The following TLK1 variants were observed in gnomAD, a reference collection of about 807,000 sequenced individuals.
The protein encoded by TLK1 is tousled like kinase 1, also known as serine/threonine-protein kinase tousled-like 1.
In TLK1, 24 loss-of-function variants were observed where a neutral mutation model predicts 105.3. The ratio of observed to expected loss-of-function variants is 0.23; its 90% CI spans 0.17 to 0.32. The LOEUF is 0.32. TLK1 is among the 10% of genes least tolerant of loss of function. The pLI is 1.00. For synonymous variants in TLK1, 321 were observed against 310.4 expected (o/e 1.03, Z -0.36); for missense variants, 558 against 910.5 (o/e 0.61, Z 4.98).
At chr2:171,088,605 G>C (rs938483996) in intron 2 of TLK1, among the ~76,000 whole-genome samples, 1 of 152,158 alleles carries the variant, frequency 6.6e-6, no homozygotes, top group African/African-American at 2.4e-5. Context: ...AAAGCTTCGA[G>C]GGAAGAACAA....
At chr2:171,141,583 T>C (rs769143089) in intron 1 of TLK1, among the ~76,000 whole-genome samples, 22 of 151,980 alleles carry the variant, frequency 1.4e-4, no homozygotes, top group Admixed American at 7.9e-4. Context: ...ACAAGCTAGA[T>C]TACAGTCAAA....
chr2:171,148,195 T>G (rs1691869834), intron 1 of TLK1, among the ~76,000 whole-genome samples: 1 of 152,172 alleles, frequency 6.6e-6, no homozygotes, highest in African/African-American at 2.4e-5. Flanking sequence ...CAGCAGCAGC[T>G]GCATACTGTA....
At position 170,991,801 on chromosome 2, in the gene TLK1, T is replaced by C. The variant is rs563817257; in HGVS notation, c.*1979A>G. 2 of 152,344 alleles carry C rather than the reference T, an allele frequency of 1.3e-5. No homozygotes were observed. Among genetic ancestry groups the C allele is most frequent in the East Asian group, 1.9e-4 (1 of 5,194 alleles). 9.4% of individuals were successfully genotyped at this position (152,344 alleles called of 1,614,324 possible). ...ATGTTACTTTATGAACATAGGACTT[T>C]ATCATTCATAAAGACGAAAACTCTA... is the stretch of plus-strand genomic sequence containing the variant. On this transcript the variant is annotated 3_prime_UTR_variant, in exon 21 of 21. Transcript: ENST00000431350.
rs1264892815 is a variant in TLK1 at position 171,084,537 on chromosome 2, T to C, written c.259-1685A>G. On this transcript the variant is annotated intron_variant, in intron 2 of 20. Transcript: ENST00000431350. ...CTAAAAACAGCAGTAGAGAAAGCCC[T>C]GTAAGAAAAGCCATCCTGAACCACA... 2.6e-5 allele frequency among the ~76,000 whole-genome samples: 4 copies of C among 152,176 alleles called. No individual in the cohort carries two copies. In the East Asian group the frequency reaches 7.7e-4, roughly 29 times the overall value.
intron 1 of TLK1, among the ~76,000 whole-genome samples, chr2:171,139,950 C>T (rs1340816759): frequency 6.6e-6 from 1 of 152,156 alleles, no homozygotes; most frequent in Non-Finnish European, 1.5e-5. Context: ...CAACAGGGTC[C>T]ACGCTCCTCT....
At chr2:171,126,449 G>C (rs909020506) in intron 1 of TLK1, among the ~76,000 whole-genome samples, 1 of 152,118 alleles carries the variant, frequency 6.6e-6, no homozygotes. Flanking sequence ...CATATTACTA[G>C]TTCTGGTTAG....
At chr2:171,204,073 T>C (rs1308835220) in intron 1 of TLK1, among the ~76,000 whole-genome samples, 2 of 151,394 alleles carry the variant, frequency 1.3e-5, no homozygotes, top group Non-Finnish European at 2.9e-5. Flanking sequence ...AAAGAAAAGA[T>C]GATAAAATTA....
upstream of TLK1, among the ~76,000 whole-genome samples, chr2:171,163,969 A>C (rs1692561514): frequency 6.6e-6 from 1 of 152,174 alleles, no homozygotes. Flanking sequence ...CAGGCAGTAC[A>C]CCTGCCTTGG....
intron 1 of TLK1, among the ~76,000 whole-genome samples, chr2:171,123,845 T>C (rs1202722187): frequency 3.3e-5 from 5 of 152,170 alleles, no homozygotes; most frequent in Non-Finnish European, 7.4e-5. Context: ...CACTGATCTG[T>C]AATGAGACTG....
chr2:171,085,430 T>G (rs1259903113), intron 2 of TLK1, among the ~76,000 whole-genome samples: 1 of 151,732 alleles, frequency 6.6e-6, no homozygotes, highest in East Asian at 1.9e-4. Flanking sequence ...ACATTTTCAG[T>G]TGTCAGTCTC....
At chr2:171,125,664 T>C (rs1690839360) in intron 1 of TLK1, among the ~76,000 whole-genome samples, 1 of 152,192 alleles carries the variant, frequency 6.6e-6, no homozygotes, top group Admixed American at 6.5e-5. Context: ...TGTGTTCCAA[T>C]AAGACTTTAT....
upstream of TLK1, among the ~76,000 whole-genome samples, chr2:171,164,100 G>A (rs955867028): frequency 6.6e-6 from 1 of 152,104 alleles, no homozygotes; most frequent in African/African-American, 2.4e-5. Context: ...GCATATACAT[G>A]ATCAACTTAC....
At chr2:171,023,916 C>A (rs1685653187) in intron 12 of TLK1, among the ~76,000 whole-genome samples, 1 of 152,170 alleles carries the variant, frequency 6.6e-6, no homozygotes, top group Non-Finnish European at 1.5e-5. Context: ...TAGAACTTAT[C>A]AGAGACAGGT....
At chr2:171,002,538 T>C (rs974005020) in intron 18 of TLK1, among the ~76,000 whole-genome samples, 1 of 152,074 alleles carries the variant, frequency 6.6e-6, no homozygotes, top group Non-Finnish European at 1.5e-5. Flanking sequence ...CCTCCCAAAG[T>C]GCTGGGATTA....
chr2:171,003,602 G>A (rs917099384), intron 18 of TLK1, among the ~76,000 whole-genome samples: 2 of 152,142 alleles, frequency 1.3e-5, no homozygotes, highest in Non-Finnish European at 2.9e-5. Flanking sequence ...ACTGCGATAG[G>A]CCTTTTACTG....
intron 18 of TLK1, among the ~76,000 whole-genome samples, chr2:170,998,104 ACC>A (rs1684167462): frequency 6.8e-6 from 1 of 146,044 alleles, no homozygotes; most frequent in Non-Finnish European, 1.5e-5. Flanking sequence ...CTACCTACCT[ACC>A]TACCACCTAC....
intron 1 of TLK1, among the ~76,000 whole-genome samples, chr2:171,136,261 G>A (rs1284659415): frequency 6.6e-6 from 1 of 152,220 alleles, no homozygotes; most frequent in African/African-American, 2.4e-5. Flanking sequence ...GAGGTATCTA[G>A]AGTAGTGAAA....
chr2:171,181,540 G>GGT (rs1218295079), intron 1 of TLK1, among the ~76,000 whole-genome samples: 1 of 152,136 alleles, frequency 6.6e-6, no homozygotes, highest in Non-Finnish European at 1.5e-5. Flanking sequence ...CAAGAAGCAT[G>GGT]GTGTCAGCAT....
chr2:171,151,014 G>C (rs923050955), intron 1 of TLK1, among the ~76,000 whole-genome samples: 5 of 151,848 alleles, frequency 3.3e-5, no homozygotes, highest in Non-Finnish European at 7.4e-5. Flanking sequence ...CTCTATGTGT[G>C]CCTGGGTACA....
Sources: allele counts gnomAD v4.1 joint callset (sites outside exome capture counted in the v4.1 genomes callset), GRCh38; gene constraint gnomAD v4.1.1; transcripts MANE v1.5; gene names NCBI Gene and HGNC (gene_info 2026-07-23, HGNC 2026-07-21).